Variants in CD300LG observed in about 807,000 individuals in gnomAD.
The protein encoded by CD300LG is CD300 molecule like family member g.
In CD300LG, 29 loss-of-function variants were observed where a neutral mutation model predicts 31.5. The ratio of observed to expected loss-of-function variants is 0.92; its 90% CI spans 0.68 to 1.25. The LOEUF is 1.25. Ranked by LOEUF, CD300LG falls within the 50% of genes most tolerant of loss-of-function variation. The pLI is 0.00. For missense variants in CD300LG, 396 were observed against 417.6 expected (o/e 0.95, Z 0.45); for synonymous variants, 175 against 177.2 (o/e 0.99, Z 0.10).
chr17:43,853,684 C>T, intron 3 of CD300LG, 123 bp from the exon 4 acceptor site: 2 of 747,736 alleles, frequency 2.7e-6, no homozygotes, highest in South Asian at 3.5e-5. Flanking sequence ...TATCCTTTAG[C>T]TGGGGATGTT....
At chr17:43,859,476 G>A (rs372661019) in intron 6 of CD300LG, among the ~76,000 whole-genome samples, 77 of 152,340 alleles carry the variant, frequency 5.1e-4, no homozygotes, top group Middle Eastern at 3.4e-3. Flanking sequence ...CCAGACTTGC[G>A]ATAGTGGGCC....
chr17:43,848,221 G>T (rs904113505), intron 1 of CD300LG, among the ~76,000 whole-genome samples: 1 of 152,028 alleles, frequency 6.6e-6, no homozygotes, highest in Non-Finnish European at 1.5e-5. Context: ...CAGCCTGGGC[G>T]GCAAAGTGAG....
At chr17:43,857,402 G>A (rs1258401530) in intron 6 of CD300LG, 1 of 1,536,150 alleles carries the variant, frequency 6.5e-7, no homozygotes, top group East Asian at 2.4e-5. Context: ...GCCAGGCAGG[G>A]TGGGCTCCAG....
chr17:43,854,113 G>T (rs963059580), intron 4 of CD300LG, 69 bp downstream of exon 4: 1 of 1,151,048 alleles, frequency 8.7e-7, no homozygotes, highest in Non-Finnish European at 1.3e-6. Context: ...TGAGAAAATA[G>T]GAACTCAACA....
At chr17:43,856,574 T>C (rs2046525837) in intron 5 of CD300LG, among the ~76,000 whole-genome samples, 5 of 152,200 alleles carry the variant, frequency 3.3e-5, no homozygotes, top group African/African-American at 9.6e-5. Flanking sequence ...CTGCTTTCTG[T>C]CCCTTCCATG....
In CD300LG at chr17:43,855,309, G is replaced by T; in HGVS notation, c.822G>T (p.Trp274Cys). The T allele has an allele frequency of 6.3e-7, 1 of 1,582,720 alleles. No homozygotes were observed. Among genetic ancestry groups the T allele is most frequent in the Admixed American group, 1.8e-5 (1 of 55,518 alleles). The change falls in exon 5 of 7, where the codon TGG (tryptophan) becomes TGT (cysteine). Residue 274 changes from tryptophan (W) to cysteine (C), a missense_variant. Physicochemically the swap from Trp to Cys is radical, Grantham distance 215. Transcript: ENST00000317310. The part of the protein sequence containing the change: ...LIAFCSHLLL[W>C]RKEAQQATET... ...CCTTCTGCAGCCACCTGCTCCTGTG[G>T]AGAAAGGAAGGTGAGCAAAGGTGGG...
intron 6 of CD300LG, 23 bp downstream of exon 6, chr17:43,857,179 G>T: frequency 6.2e-7 from 1 of 1,613,434 alleles, no homozygotes. Flanking sequence ...GCATATGGAA[G>T]CCCAAGCTCA....
intron 5 of CD300LG, 165 bp downstream of exon 5, chr17:43,855,484 G>A: frequency 4.3e-6 from 2 of 467,392 alleles, no homozygotes; most frequent in Non-Finnish European, 7.6e-6. Flanking sequence ...GGAGCCACGA[G>A]GTAGTCAACA....
At chr17:43,861,014 C>A (rs2046642043) in intron 6 of CD300LG, 2 of 765,794 alleles carry the variant, frequency 2.6e-6, no homozygotes, top group Non-Finnish European at 1.6e-6. Context: ...TCTCCCCTCC[C>A]GGCACCTCCC....
At chr17:43,859,869 G>A (rs967847000) in intron 6 of CD300LG, among the ~76,000 whole-genome samples, 1 of 152,178 alleles carries the variant, frequency 6.6e-6, no homozygotes, top group Non-Finnish European at 1.5e-5. Flanking sequence ...TGTCATCCCT[G>A]TGTTTCTTTT....
chr17:43,858,964 G>A (rs939864484), intron 6 of CD300LG, among the ~76,000 whole-genome samples: 10 of 152,132 alleles, frequency 6.6e-5, no homozygotes, highest in African/African-American at 2.2e-4. Context: ...ATATGCCAAC[G>A]AATCCTCATC....
At chr17:43,849,362 C>G (rs929281415) in intron 2 of CD300LG, 1 of 191,548 alleles carries the variant, frequency 5.2e-6, no homozygotes, top group African/African-American at 2.3e-5. Context: ...GTGCCCTCAA[C>G]TCTCCCCTCC....
chr17:43,853,074 G>C, intron 3 of CD300LG, 61 bp downstream of exon 3: 2 of 1,388,938 alleles, frequency 1.4e-6, no homozygotes, highest in Non-Finnish European at 2.0e-6. Flanking sequence ...CAGCCAGTGA[G>C]TGCCTGCCTG....
Position 43,861,998 on chromosome 17 carries a change from C to A in CD300LG, c.*87C>A. On this transcript the variant is annotated 3_prime_UTR_variant, in exon 7 of 7. Coordinates refer to ENST00000317310, the MANE Select transcript of CD300LG (RefSeq NM_145273.4). ...ATTCCCGAAAGCTTTCCACCTCAGC[C>A]TCAGAGTCCAGCTGCCCGGACTCCA... The A allele has an allele frequency of 1.1e-6, 1 of 929,446 alleles. No homozygotes were observed. The highest frequency in any genetic ancestry group is 1.6e-6 in the Non-Finnish European group (1 of 641,310). The allele number at this position is 929,446 out of a possible 1,614,324, so 57.6% of individuals were successfully genotyped here.
intron 5 of CD300LG, chr17:43,855,563 C>T (rs2046495838): frequency 2.6e-6 from 1 of 385,288 alleles, no homozygotes; most frequent in Non-Finnish European, 4.7e-6. Flanking sequence ...CCTGTCTAAA[C>T]TGATCAAGCA....
chr17:43,852,989 C>T lies in CD300LG; in HGVS notation c.457C>T (p.Gln153Ter). The T allele has an allele frequency of 1.2e-6, 2 of 1,612,166 alleles. No homozygotes were observed. Among genetic ancestry groups the T allele is most frequent in the Non-Finnish European group, 1.7e-6 (2 of 1,179,142 alleles). Residue 153 changes from glutamine to a stop codon, truncating the protein, a stop_gained, in exon 3 of 7, where the codon CAG becomes TAG. Transcript: ENST00000317310. LOFTEE classifies it high-confidence loss of function. ...ACGCCTGCAGCCCAAGGCAAAAGCTCAGCAAACCCAGCCCCCAGGATTGAG... is the reference window on the plus strand; with the variant it reads ...ACGCCTGCAGCCCAAGGCAAAAGCTTAGCAAACCCAGCCCCCAGGATTGAG... ...TTRLQPKAKA[Q>*]QTQPPGLTSP...
At position 43,861,837 on chromosome 17, in the gene CD300LG, G is replaced by T; in HGVS notation, c.925G>T (p.Gly309Trp). Residue 309 changes from glycine to tryptophan, a missense_variant, in exon 7 of 7, where the codon GGG becomes TGG. Coordinates refer to ENST00000317310, the MANE Select transcript of CD300LG (RefSeq NM_145273.4). ...GGAAGCCCCTTCCCAGGCCCCTGAG[G>T]GGGACGTGATCTCGATGCCTCCCCT... ...EKEAPSQAPE[G>W]DVISMPPLHT... The T allele has an allele frequency of 6.8e-6, 11 of 1,612,556 alleles. No homozygotes were observed. The highest frequency in any genetic ancestry group is 5.1e-6 in the Non-Finnish European group (6 of 1,179,402).
intron 5 of CD300LG, among the ~76,000 whole-genome samples, 193 bp from the exon 6 acceptor site, chr17:43,856,911 T>G (rs1184461082): frequency 6.6e-6 from 1 of 152,214 alleles, no homozygotes; most frequent in Non-Finnish European, 1.5e-5. Context: ...CTCCATGCAC[T>G]GATCTCAGAA....
At chr17:43,847,290 G>A (rs1156313261) in intron 1 of CD300LG, 31 bp downstream of exon 1, 2 of 1,612,534 alleles carry the variant, frequency 1.2e-6, no homozygotes, top group Non-Finnish European at 1.7e-6. Context: ...CGGGAGGGAT[G>A]TGGGGCTCAC....
Sources: gnomAD v4.1 joint callset for allele counts (sites outside exome capture counted in the v4.1 genomes callset) on GRCh38, gnomAD v4.1.1 for gene constraint, MANE v1.5 for transcripts, NCBI Gene and HGNC (gene_info 2026-07-23, HGNC 2026-07-21) for gene names.